TGFB2: variants seen among roughly 807,000 people sequenced by gnomAD.
TGFB2 encodes transforming growth factor beta 2, also known as transforming growth factor beta-2 proprotein.
Under a neutral mutation model 42.7 loss-of-function variants are expected in TGFB2, and 13 were observed. That is an observed-to-expected ratio of 0.30 (90% CI 0.20 to 0.48). The LOEUF (loss-of-function observed/expected upper bound fraction) is 0.48. TGFB2 is among the 20% of genes least tolerant of loss of function. The pLI, the probability that TGFB2 is intolerant of heterozygous loss-of-function variation, is 0.99. For synonymous variants in TGFB2, 193 were observed against 193.6 expected (o/e 1.00, Z 0.03); for missense variants, 390 against 517.5 (o/e 0.75, Z 2.39).
At position 218,391,340 on chromosome 1, in the gene TGFB2, C is replaced by T. The variant is rs374067263; in HGVS notation, c.347-13829C>T. On this transcript the variant is annotated intron_variant, in intron 1 of 6. Coordinates refer to ENST00000366930, the MANE Select transcript of TGFB2 (RefSeq NM_003238.6). ...GTGTGCCTGTACAGGTCCAGAGCCC[C>T]TGCCCGTAGACTTGGCTGTGTCCCT... Among the ~76,000 whole-genome samples, 28 of 152,292 alleles carry T rather than the reference C, an allele frequency of 1.8e-4. No homozygotes were observed. The East Asian group carries it at 4.8e-3, about 26-fold the overall frequency.
chr1:218,386,573 C>G (rs1200182096), intron 1 of TGFB2, among the ~76,000 whole-genome samples: 1 of 152,180 alleles, frequency 6.6e-6, no homozygotes, highest in Non-Finnish European at 1.5e-5. Flanking sequence ...AGCCTGCCCA[C>G]AGGTTCCTGA....
intron 1 of TGFB2, among the ~76,000 whole-genome samples, chr1:218,402,721 G>A (rs1273191000): frequency 2.6e-5 from 4 of 152,234 alleles, no homozygotes; most frequent in Non-Finnish European, 5.9e-5. Context: ...AAAATTGAAT[G>A]AGATGTTTAC....
chr1:218,437,576 A>G (rs1660012982), intron 6 of TGFB2, 80 bp downstream of exon 6: 2 of 1,436,876 alleles, frequency 1.4e-6, no homozygotes, highest in Admixed American at 2.3e-5. Flanking sequence ...ATGAGTTGTA[A>G]TTAACCTCGT....
intron 1 of TGFB2, among the ~76,000 whole-genome samples, chr1:218,353,044 CT>C (rs1423091696): frequency 2.6e-5 from 4 of 152,142 alleles, no homozygotes; most frequent in African/African-American, 9.7e-5. Flanking sequence ...TCTCAAATGC[CT>C]TTGACTTCAG....
At chr1:218,358,476 T>C (rs1350742581) in intron 1 of TGFB2, among the ~76,000 whole-genome samples, 1 of 152,166 alleles carries the variant, frequency 6.6e-6, no homozygotes, top group Non-Finnish European at 1.5e-5. Flanking sequence ...TCATTTTCAC[T>C]TATTTTCACT....
At chr1:218,425,258 A>G (rs1023194823) in intron 2 of TGFB2, among the ~76,000 whole-genome samples, 1 of 151,996 alleles carries the variant, frequency 6.6e-6, no homozygotes, top group Non-Finnish European at 1.5e-5. Context: ...CGGAGGCTGG[A>G]GTGCAGTGGT....
intron 1 of TGFB2, among the ~76,000 whole-genome samples, chr1:218,358,019 A>G (rs144281405): frequency 2.1e-3 from 316 of 152,334 alleles, no homozygotes; most frequent in African/African-American, 7.0e-3. Flanking sequence ...CCCACACGAC[A>G]CTGACAAATA....
intron 1 of TGFB2, among the ~76,000 whole-genome samples, chr1:218,380,094 A>G (rs1657909263): frequency 6.6e-6 from 1 of 152,216 alleles, no homozygotes; most frequent in Admixed American, 6.5e-5. Flanking sequence ...GAGAGAGATT[A>G]AATAACTTGC....
At chr1:218,368,435 C>T (rs1179071291) in intron 1 of TGFB2, among the ~76,000 whole-genome samples, 1 of 152,212 alleles carries the variant, frequency 6.6e-6, no homozygotes, top group Non-Finnish European at 1.5e-5. Context: ...CCGTGCCCGG[C>T]CTATTCAGCT....
intron 1 of TGFB2, among the ~76,000 whole-genome samples, chr1:218,359,997 A>C (rs1251833581): frequency 1.3e-5 from 2 of 152,210 alleles, no homozygotes; most frequent in African/African-American, 4.8e-5. Context: ...TTTGAGGTCA[A>C]ATGAGGTTCT....
At chr1:218,402,697 T>G (rs1204435617) in intron 1 of TGFB2, among the ~76,000 whole-genome samples, 1 of 152,208 alleles carries the variant, frequency 6.6e-6, no homozygotes, top group Non-Finnish European at 1.5e-5. Context: ...GGGATTCCAC[T>G]GAAAGAGGCG....
intron 2 of TGFB2, among the ~76,000 whole-genome samples, chr1:218,409,695 G>A (rs1659034762): frequency 6.6e-6 from 1 of 152,072 alleles, no homozygotes; most frequent in Non-Finnish European, 1.5e-5. Context: ...TGCTTAAATG[G>A]GCAGATCTTC....
intron 1 of TGFB2, among the ~76,000 whole-genome samples, chr1:218,397,817 G>C (rs1658575450): frequency 6.6e-6 from 1 of 152,170 alleles, no homozygotes; most frequent in Non-Finnish European, 1.5e-5. Context: ...CTCTAGGAGG[G>C]GGACTAGCTT....
At chr1:218,358,764 A>T (rs1657119283) in intron 1 of TGFB2, among the ~76,000 whole-genome samples, 1 of 152,006 alleles carries the variant, frequency 6.6e-6, no homozygotes, top group African/African-American at 2.4e-5. Context: ...GGATGGTCTC[A>T]GTCTCCTGAC....
intron 1 of TGFB2, among the ~76,000 whole-genome samples, chr1:218,384,305 G>C (rs553434517): frequency 6.6e-6 from 1 of 152,144 alleles, no homozygotes; most frequent in Admixed American, 6.5e-5. Flanking sequence ...ATATCGTGGT[G>C]GAAAAAGCGT....
chr1:218,376,729 A>G (rs1558234239), intron 1 of TGFB2, among the ~76,000 whole-genome samples: 1 of 152,098 alleles, frequency 6.6e-6, no homozygotes, highest in Non-Finnish European at 1.5e-5. Flanking sequence ...TATTCTTTTT[A>G]TTGTTATTAC....
At chr1:218,358,548 CTT>C (rs34141354) in intron 1 of TGFB2, among the ~76,000 whole-genome samples, 9 of 134,032 alleles carry the variant, frequency 6.7e-5, no homozygotes, top group East Asian at 2.1e-4. Context: ...ATAGTGAACT[CTT>C]TTTTTTTTTT....
intron 1 of TGFB2, among the ~76,000 whole-genome samples, chr1:218,378,713 C>A (rs1046023206): frequency 6.6e-6 from 1 of 152,032 alleles, no homozygotes. Context: ...CCCAAAGGAT[C>A]CTTCCGCCTC....
intron 2 of TGFB2, among the ~76,000 whole-genome samples, chr1:218,430,524 C>T (rs1332460876): frequency 6.6e-6 from 1 of 152,152 alleles, no homozygotes; most frequent in Non-Finnish European, 1.5e-5. Context: ...GAAAGACAGA[C>T]AGCAAAGGCT....
Sources: allele counts gnomAD v4.1 joint callset (sites outside exome capture counted in the v4.1 genomes callset), GRCh38; gene constraint gnomAD v4.1.1; transcripts MANE v1.5; gene names NCBI Gene and HGNC (gene_info 2026-07-23, HGNC 2026-07-21).